The following SCN11A variants were observed in gnomAD, a reference collection of about 807,000 sequenced individuals.
SCN11A encodes sodium voltage-gated channel alpha subunit 11, also known as sodium channel protein type 11 subunit alpha.
A neutral mutation model predicts 162.2 loss-of-function variants in SCN11A; 122 were observed. The ratio of observed to expected loss-of-function variants is 0.75; its 90% CI spans 0.65 to 0.87. SCN11A has a LOEUF of 0.87. SCN11A is among the 40% of genes least tolerant of loss of function. The probability of loss-of-function intolerance (pLI) is 0.00; values close to 1 mark genes in which losing one functional copy is unlikely to be tolerated. For missense variants in SCN11A, 2,015 were observed against 2,181.6 expected, an observed-to-expected ratio of 0.92 and a Z score of 1.52; for synonymous variants, 758 against 751.5, an observed-to-expected ratio of 1.01 and a Z score of -0.14.
chr3:38,934,561 A>G (rs548226123), intron 7 of SCN11A, among the ~76,000 whole-genome samples: 1 of 152,128 alleles, frequency 6.6e-6, no homozygotes, highest in Non-Finnish European at 1.5e-5. Flanking sequence ...AAACAAAAAA[A>G]GGCAGGGGTT....
intron 1 of SCN11A, among the ~76,000 whole-genome samples, 144 bp downstream of exon 1, chr3:39,051,717 C>T (rs983821804): frequency 6.6e-6 from 1 of 152,120 alleles, no homozygotes; most frequent in African/African-American, 2.4e-5. Flanking sequence ...TTGCTTGGGC[C>T]TCTCGGGGAG....
intron 1 of SCN11A, among the ~76,000 whole-genome samples, chr3:39,042,957 C>CAAAAAAAAAAAAA (rs561204433): frequency 1.7e-3 from 109 of 65,598 alleles, no homozygotes; most frequent in East Asian, 3.1e-3. Context: ...AACTCCATCT[C>CAAAAAAAAAAAAA]AAAAAAAAAA....
At chr3:38,861,976 T>G (rs1266323385) in intron 28 of SCN11A, among the ~76,000 whole-genome samples, 1 of 152,070 alleles carries the variant, frequency 6.6e-6, no homozygotes, top group Non-Finnish European at 1.5e-5. Context: ...GAGAAAATAT[T>G]CACAAACTAT....
chr3:38,913,143 T>A (rs1026349747), intron 11 of SCN11A, among the ~76,000 whole-genome samples: 1 of 152,150 alleles, frequency 6.6e-6, no homozygotes, highest in African/African-American at 2.4e-5. Context: ...ATTGCCAGCG[T>A]CTGTTATTTT....
intron 2 of SCN11A, among the ~76,000 whole-genome samples, chr3:38,989,200 A>T (rs2030373166): frequency 6.6e-6 from 1 of 152,206 alleles, no homozygotes; most frequent in Non-Finnish European, 1.5e-5. Context: ...GCCCTAGTTG[A>T]GCATCCACCT....
In SCN11A at chr3:38,921,065, T is replaced by C; in HGVS notation, c.892+11A>G. ...AAAAACCAAGGAGTGAAAGAAAGGT[T>C]GGGTATTTACCATAAGCTTCCGGGT... On this transcript the variant is annotated intron_variant, in intron 10 of 29. Coordinates refer to ENST00000302328, the MANE Select transcript of SCN11A (RefSeq NM_001349253.2). The C allele has an allele frequency of 6.2e-7, 1 of 1,612,860 alleles. No individual in the cohort carries two copies. Among genetic ancestry groups the C allele is most frequent in the Non-Finnish European group, 8.5e-7 (1 of 1,179,016 alleles).
At chr3:38,959,393 A>C (rs887790618) in intron 3 of SCN11A, among the ~76,000 whole-genome samples, 3 of 152,240 alleles carry the variant, frequency 2.0e-5, no homozygotes, top group Non-Finnish European at 4.4e-5. Context: ...CTACGTGCCT[A>C]GTTCTTCTTA....
At chr3:38,875,357 AT>A (rs1206597244) in intron 23 of SCN11A, among the ~76,000 whole-genome samples, 1 of 152,114 alleles carries the variant, frequency 6.6e-6, no homozygotes, top group Non-Finnish European at 1.5e-5. Context: ...CTTTGTAACA[AT>A]TTGAATAAGA....
intron 2 of SCN11A, among the ~76,000 whole-genome samples, chr3:38,970,149 TGCACA>T (rs558260911): frequency 5.9e-5 from 9 of 152,228 alleles, no homozygotes; most frequent in Non-Finnish European, 1.2e-4. Context: ...AGGGTTATAC[TGCACA>T]GCCCATAGCA....
chr3:38,942,653 A>G (rs1405819829), intron 7 of SCN11A, among the ~76,000 whole-genome samples: 3 of 152,194 alleles, frequency 2.0e-5, no homozygotes, highest in Non-Finnish European at 2.9e-5. Context: ...TTGAACCAAA[A>G]GGTAATAAAA....
At chr3:38,864,399 A>G (rs1468978817) in intron 27 of SCN11A, among the ~76,000 whole-genome samples, 1 of 152,168 alleles carries the variant, frequency 6.6e-6, no homozygotes, top group African/African-American at 2.4e-5. Context: ...TAGTAGTATT[A>G]ATACCACTAT....
At chr3:39,039,868 G>T (rs1298651966) in intron 1 of SCN11A, among the ~76,000 whole-genome samples, 3 of 152,006 alleles carry the variant, frequency 2.0e-5, no homozygotes, top group Non-Finnish European at 4.4e-5. Flanking sequence ...CCAAGGACCT[G>T]CCCACTTAGC....
chr3:39,010,704 TTTC>T (rs1370808287), intron 2 of SCN11A, among the ~76,000 whole-genome samples: 1 of 151,998 alleles, frequency 6.6e-6, no homozygotes, highest in African/African-American at 2.4e-5. Context: ...CAGCCTAATA[TTTC>T]TTTTTTCTTG....
At chr3:39,009,996 A>G (rs114233128) in intron 2 of SCN11A, among the ~76,000 whole-genome samples, 5,360 of 151,940 alleles carry the variant, frequency 0.035, 305 homozygotes, top group African/African-American at 0.12. Flanking sequence ...GGGCATGTAC[A>G]TAGCCATATT....
At chr3:38,869,710 T>C (rs2065095129) in intron 26 of SCN11A, among the ~76,000 whole-genome samples, 1 of 152,196 alleles carries the variant, frequency 6.6e-6, no homozygotes, top group African/African-American at 2.4e-5. Flanking sequence ...ATCCCTAATC[T>C]GAAAATCCGA....
At chr3:38,897,393 T>C (rs1199033677) in intron 17 of SCN11A, among the ~76,000 whole-genome samples, 168 bp from the exon 18 acceptor site, 2 of 152,232 alleles carry the variant, frequency 1.3e-5, no homozygotes, top group African/African-American at 4.8e-5. Context: ...CATAATCTAA[T>C]GCTCACCTGT....
At chr3:38,900,513 T>C (rs2065682293) in intron 16 of SCN11A, among the ~76,000 whole-genome samples, 2 of 150,948 alleles carry the variant, frequency 1.3e-5, no homozygotes, top group Admixed American at 1.3e-4. Flanking sequence ...CCCCATAAAC[T>C]AGAATCCAGG....
intron 29 of SCN11A, 121 bp downstream of exon 29, chr3:38,850,360 A>G (rs2064754760): frequency 9.1e-6 from 8 of 882,882 alleles, no homozygotes; most frequent in Non-Finnish European, 1.4e-5. Flanking sequence ...CTATTCTTTC[A>G]GAAAGTACAC....
At chr3:38,961,490 T>C (rs1015501621) in intron 2 of SCN11A, among the ~76,000 whole-genome samples, 2 of 152,202 alleles carry the variant, frequency 1.3e-5, no homozygotes, top group African/African-American at 4.8e-5. Context: ...GCATGGAGCA[T>C]ATGGCTTGGG....
Sources: gnomAD v4.1 joint callset for allele counts (sites outside exome capture counted in the v4.1 genomes callset) on GRCh38, gnomAD v4.1.1 for gene constraint, MANE v1.5 for transcripts, NCBI Gene and HGNC (gene_info 2026-07-23, HGNC 2026-07-21) for gene names.